The following COG4 variants were observed in gnomAD, a reference collection of about 807,000 sequenced individuals.
COG4 encodes the protein component of oligomeric golgi complex 4.
COG4 carries 65 observed loss-of-function variants against 95.1 expected under a neutral mutation model. That is an observed-to-expected ratio of 0.68 (90% confidence interval 0.56 to 0.84). The LOEUF (loss-of-function observed/expected upper bound fraction) is 0.84, where lower values mean the gene tolerates loss of function less well. COG4 is among the 40% of genes least tolerant of loss of function. COG4 has a pLI of 0.00. For synonymous variants in COG4, 421 were observed against 374.8 expected, an observed-to-expected ratio of 1.12 and a Z score of -1.42; for missense variants, 1,045 against 989.1, an observed-to-expected ratio of 1.06 and a Z score of -0.76.
intron 13 of COG4, among the ~76,000 whole-genome samples, chr16:70,484,853 T>A (rs1292234977): frequency 6.6e-6 from 1 of 152,114 alleles, no homozygotes; most frequent in Admixed American, 6.6e-5. Flanking sequence ...GAGCTATGAC[T>A]GCCACTGCAC....
intron 9 of COG4, among the ~76,000 whole-genome samples, chr16:70,498,301 C>T (rs1359591609): frequency 6.6e-6 from 1 of 151,996 alleles, no homozygotes; most frequent in Non-Finnish European, 1.5e-5. Context: ...GCATAATCCA[C>T]ATTTTAAAAA....
intron 2 of COG4, among the ~76,000 whole-genome samples, chr16:70,518,902 G>A (rs28619389): frequency 0.12 from 18,136 of 151,548 alleles, 3,604 homozygotes; most frequent in African/African-American, 0.41. Flanking sequence ...GCTTGAACCT[G>A]GGAGGCAGAG....
At chr16:70,507,408 G>A (rs1214269052) in intron 8 of COG4, among the ~76,000 whole-genome samples, 1 of 152,064 alleles carries the variant, frequency 6.6e-6, no homozygotes, top group Non-Finnish European at 1.5e-5. Context: ...TTACCATCGT[G>A]TTATAATTGT....
At chr16:70,523,313 G>A in intron 1 of COG4, 60 bp downstream of exon 1, 1 of 1,596,906 alleles carries the variant, frequency 6.3e-7, no homozygotes, top group South Asian at 1.1e-5. Context: ...CGGATTTCCC[G>A]ACTGAAGGCT....
intron 17 of COG4, 94 bp downstream of exon 17, chr16:70,481,670 A>C: frequency 2.2e-6 from 3 of 1,353,586 alleles, no homozygotes; most frequent in Non-Finnish European, 3.1e-6. Flanking sequence ...TGTGGGCAGC[A>C]GACAGAGGGG....
intron 4 of COG4, among the ~76,000 whole-genome samples, chr16:70,513,842 C>T (rs759976679): frequency 1.5e-4 from 23 of 152,184 alleles, no homozygotes; most frequent in Non-Finnish European, 3.1e-4. Flanking sequence ...TGAAACCACA[C>T]ATAGGGGAGA....
intron 8 of COG4, among the ~76,000 whole-genome samples, chr16:70,503,431 G>C (rs1597674921): frequency 1.3e-5 from 2 of 152,248 alleles, no homozygotes; most frequent in East Asian, 1.9e-4. Flanking sequence ...ACTCTTAACA[G>C]CCTGACTCTA....
chr16:70,498,770 T>C (rs1241282206), intron 9 of COG4, among the ~76,000 whole-genome samples: 1 of 152,352 alleles, frequency 6.6e-6, no homozygotes, highest in Middle Eastern at 3.4e-3. Context: ...TACTTTTGTA[T>C]GAAAAACTTT....
At position 70,514,459 on chromosome 16, in the gene COG4, C is replaced by A; in HGVS notation, c.420G>T (p.Lys140Asn). 5.6e-6 allele frequency: 9 copies of A among 1,614,128 alleles called. No individual in the cohort carries two copies. Among genetic ancestry groups the A allele is most frequent in the Non-Finnish European group, 7.6e-6 (9 of 1,180,012 alleles). ...IQRADDILDLKFCMDGVQTAL... is the reference protein window; with the variant it reads ...IQRADDILDLNFCMDGVQTAL... ...CAGTCTGAACTCCATCCATGCAGAA[C>A]TTCAGGTCCAAGATGTCATCAGCTC... Residue 140 changes from lysine (K) to asparagine (N), a missense_variant, in exon 4 of 19, where the codon AAG becomes AAT. Lys to Asn is a moderately conservative substitution (Grantham distance 94). Coordinates refer to ENST00000323786, the MANE Select transcript of COG4 (RefSeq NM_015386.3).
chr16:70,483,805 G>T (rs760824559), intron 14 of COG4, 48 bp downstream of exon 14: 1 of 1,390,870 alleles, frequency 7.2e-7, no homozygotes, highest in Non-Finnish European at 1.0e-6. Context: ...TCTTCTCAGA[G>T]CAACACACAG....
At chr16:70,490,785 G>A (rs2049227931) in intron 12 of COG4, among the ~76,000 whole-genome samples, 1 of 151,844 alleles carries the variant, frequency 6.6e-6, no homozygotes, top group African/African-American at 2.4e-5. Flanking sequence ...TCAGCCACCC[G>A]AGTAGCTGGG....
intron 1 of COG4, among the ~76,000 whole-genome samples, 184 bp from the exon 2 acceptor site, chr16:70,519,915 A>C (rs915906205): frequency 6.6e-6 from 1 of 152,236 alleles, no homozygotes; most frequent in Admixed American, 6.5e-5. Flanking sequence ...TATCTTACGT[A>C]TATCTTATTC....
intron 12 of COG4, among the ~76,000 whole-genome samples, chr16:70,492,452 A>G (rs2049263452): frequency 1.3e-5 from 2 of 152,048 alleles, no homozygotes; most frequent in African/African-American, 4.8e-5. Flanking sequence ...TGAGGTTGGG[A>G]GTTCGGGACT....
chr16:70,487,672 G>A (rs899272591), intron 13 of COG4, among the ~76,000 whole-genome samples: 1 of 152,238 alleles, frequency 6.6e-6, no homozygotes, highest in African/African-American at 2.4e-5. Context: ...TCACTGTGGA[G>A]GCAGGGCCCT....
intron 2 of COG4, among the ~76,000 whole-genome samples, chr16:70,518,239 C>A (rs1003071592): frequency 6.6e-6 from 1 of 152,076 alleles, no homozygotes; most frequent in Non-Finnish European, 1.5e-5. Flanking sequence ...ACTTCTAAAA[C>A]CAATAAAGAC....
chr16:70,513,498 C>T lies in COG4; in HGVS notation c.544+837G>A, dbSNP rs551547963. On this transcript the variant is annotated intron_variant, in intron 4 of 18. Transcript: ENST00000323786. ...TCGACAGTACTGAACCTTAAATATA[C>T]TATGTTTTCTCCCATACATACATAC... 1.4e-4 allele frequency among the ~76,000 whole-genome samples: 22 copies of T among 152,254 alleles called. No homozygotes were observed. The South Asian group carries it at 4.6e-3, about 32-fold the overall frequency.
chr16:70,496,561 C>A (rs1230412454), intron 11 of COG4, 130 bp from the exon 12 acceptor site: 16 of 874,182 alleles, frequency 1.8e-5, no homozygotes, highest in Non-Finnish European at 2.2e-5. Flanking sequence ...GTCCTTAAGA[C>A]CACTGTAGGA....
chr16:70,493,500 T>C (rs1023240668), intron 12 of COG4, among the ~76,000 whole-genome samples: 3 of 152,120 alleles, frequency 2.0e-5, no homozygotes, highest in African/African-American at 7.2e-5. Context: ...CAGTGCCTGA[T>C]ATTTAGAAGT....
At chr16:70,481,312 CTCTT>C in intron 18 of COG4, 43 bp downstream of exon 18, 1 of 1,609,372 alleles carries the variant, frequency 6.2e-7, no homozygotes, top group South Asian at 1.1e-5. Flanking sequence ...CCATCTTTGC[CTCTT>C]TCAGTCACCC....
Sources: allele counts gnomAD v4.1 joint callset (sites outside exome capture counted in the v4.1 genomes callset), GRCh38; gene constraint gnomAD v4.1.1; transcripts MANE v1.5; gene names NCBI Gene and HGNC (gene_info 2026-07-23, HGNC 2026-07-21).